The following AGBL1 variants were observed in gnomAD, a reference collection of about 807,000 sequenced individuals.
The protein encoded by AGBL1 is cytosolic carboxypeptidase 4.
A neutral mutation model predicts 118.9 loss-of-function variants in AGBL1; 130 were observed. That is an observed-to-expected ratio of 1.09 (90% CI 0.95 to 1.26). The LOEUF is 1.26. Ranked by LOEUF, AGBL1 falls within the 50% of genes most tolerant of loss-of-function variation. The pLI, the probability that AGBL1 is intolerant of heterozygous loss-of-function variation, is 0.00. For missense variants in AGBL1, 1,584 were observed against 1,298.1 expected, an observed-to-expected ratio of 1.22 and a Z score of -3.38; for synonymous variants, 555 against 478.9, an observed-to-expected ratio of 1.16 and a Z score of -2.08.
chr15:86,653,572 ACAAAT>A (rs1272277426), intron 21 of AGBL1, among the ~76,000 whole-genome samples: 3 of 152,158 alleles, frequency 2.0e-5, no homozygotes, highest in African/African-American at 7.2e-5. Flanking sequence ...TGAAGGCAAC[ACAAAT>A]CAAAGCTAAT....
At position 86,745,976 on chromosome 15, in the gene AGBL1, C is replaced by T. The variant is rs1365725908; in HGVS notation, c.3158+71540C>T. Among the ~76,000 whole-genome samples the T allele has an allele frequency of 2.6e-5, 4 of 152,060 alleles. No individual in the cohort carries two copies. The South Asian group carries it at 6.2e-4, about 24-fold the overall frequency. On this transcript the variant is annotated intron_variant, in intron 22 of 22. Transcript: ENST00000614907. The stretch of plus-strand genomic sequence containing the variant: ...TCTTTCAGGTAGAGAATACAGCTCC[C>T]ATTCTTTGATGTGCTAAGAAGCCAG...
rs187017556 is a variant in AGBL1, at chr15:87,003,670, A to G, written c.3323+15582A>G. ...CAATTTCAGTGCCTGTTATTGGTCT[A>G]TTCAGAGATTCAACTTCTTCCTGGT... On this transcript the variant is annotated intron_variant, in intron 24 of 24. Transcript: ENST00000441037. 3.3e-5 allele frequency among the ~76,000 whole-genome samples: 5 copies of G among 152,276 alleles called. 1 individual carries two copies. Among genetic ancestry groups the G allele is most frequent in the African/African-American group, 1.2e-4 (5 of 41,558 alleles).
intron 1 of AGBL1, among the ~76,000 whole-genome samples, chr15:86,116,885 C>T (rs1419350140): frequency 8.5e-5 from 13 of 152,086 alleles, no homozygotes; most frequent in Admixed American, 7.2e-4. Context: ...CTCAAGACAA[C>T]CCTAATACAG....
intron 7 of AGBL1, among the ~76,000 whole-genome samples, chr15:86,253,703 T>C (rs1434319963): frequency 6.6e-6 from 1 of 152,228 alleles, no homozygotes; most frequent in African/African-American, 2.4e-5. Flanking sequence ...ACAGTTTATG[T>C]GTTTCATTTT....
At chr15:86,655,669 G>T (rs1373138760) in intron 21 of AGBL1, among the ~76,000 whole-genome samples, 1 of 152,160 alleles carries the variant, frequency 6.6e-6, no homozygotes, top group East Asian at 1.9e-4. Context: ...TTGCCCTGGT[G>T]TGTTATTAGA....
chr15:86,714,526 ACAT>A (rs1213606075), intron 22 of AGBL1, among the ~76,000 whole-genome samples: 2 of 152,090 alleles, frequency 1.3e-5, no homozygotes, highest in African/African-American at 2.4e-5. Flanking sequence ...GTGGTATGAG[ACAT>A]CATGGAGTGG....
intron 22 of AGBL1, among the ~76,000 whole-genome samples, chr15:86,834,645 C>T (rs2079147810): frequency 1.3e-5 from 2 of 152,116 alleles, no homozygotes; most frequent in South Asian, 4.1e-4. Flanking sequence ...ATCCTTTTGA[C>T]CTTATGTGTC....
chr15:86,390,686 T>TTTTTTA (rs2081265060), intron 17 of AGBL1, among the ~76,000 whole-genome samples: 2 of 144,762 alleles, frequency 1.4e-5, no homozygotes, highest in South Asian at 2.2e-4. Flanking sequence ...TTTTTTTTTT[T>TTTTTTA]GAGACAGAGT....
chr15:86,621,472 C>A (rs141094496), intron 21 of AGBL1, among the ~76,000 whole-genome samples: 8 of 152,330 alleles, frequency 5.3e-5, no homozygotes, highest in Middle Eastern at 3.4e-3. Flanking sequence ...CAATCTGTGG[C>A]ATTCCTCGCC....
chr15:86,758,637 G>C (rs1354532043), intron 22 of AGBL1, among the ~76,000 whole-genome samples: 4 of 151,962 alleles, frequency 2.6e-5, no homozygotes, highest in Non-Finnish European at 5.9e-5. Flanking sequence ...CATCTGAATT[G>C]TTCTGATCCA....
intron 18 of AGBL1, among the ~76,000 whole-genome samples, chr15:86,516,624 A>G (rs2083124289): frequency 6.6e-6 from 1 of 151,946 alleles, no homozygotes; most frequent in Non-Finnish European, 1.5e-5. Context: ...ACATGGCGAA[A>G]CCCTGTCTCT....
At chr15:86,882,826 T>C (rs1323811016) in intron 22 of AGBL1, among the ~76,000 whole-genome samples, 1 of 152,208 alleles carries the variant, frequency 6.6e-6, no homozygotes, top group Non-Finnish European at 1.5e-5. Flanking sequence ...TTAAAAAAAC[T>C]AGACAGGAAC....
rs1567242729 is a variant in AGBL1 at position 86,410,819 on chromosome 15, T to TG, written c.2555+13273_2555+13274insG. On this transcript the variant is annotated intron_variant, in intron 18 of 22. Coordinates refer to ENST00000614907, the MANE Select transcript of AGBL1 (RefSeq NM_001386094.1). The stretch of plus-strand genomic sequence containing the variant: ...AAGGTCAAATGTAGATATATATATA[T>TG]ATATATATATATATATATATATAAT... Among the ~76,000 whole-genome samples, 121 of 91,054 alleles carry TG rather than the reference T, an allele frequency of 1.3e-3. 7 individuals carry two copies. Among genetic ancestry groups the TG allele is most frequent in the African/African-American group, 4.4e-3 (85 of 19,336 alleles). The allele number at this position is 91,054 out of a possible 152,430, so 59.7% of individuals were successfully genotyped here.
chr15:86,117,234 A>G (rs1045657532), intron 1 of AGBL1, among the ~76,000 whole-genome samples: 2 of 152,006 alleles, frequency 1.3e-5, no homozygotes, highest in Non-Finnish European at 2.9e-5. Context: ...GGGCTCTGGG[A>G]TGGCTGCTGG....
At chr15:86,519,392 G>A (rs1450698964) in intron 18 of AGBL1, among the ~76,000 whole-genome samples, 3 of 152,164 alleles carry the variant, frequency 2.0e-5, no homozygotes, top group Non-Finnish European at 4.4e-5. Flanking sequence ...AGAAGGAGCA[G>A]CTGTCATTTC....
chr15:86,630,048 T>C (rs1394029978), intron 21 of AGBL1, among the ~76,000 whole-genome samples: 3 of 152,236 alleles, frequency 2.0e-5, no homozygotes, highest in Non-Finnish European at 4.4e-5. Context: ...GCATCTTTAA[T>C]TCTGCAATGT....
intron 15 of AGBL1, among the ~76,000 whole-genome samples, chr15:86,276,841 T>A (rs1467427582): frequency 6.6e-6 from 1 of 152,208 alleles, no homozygotes; most frequent in Non-Finnish European, 1.5e-5. Flanking sequence ...CGAAAAGAAC[T>A]TGTTGATGGG....
chr15:87,007,438 T>C (rs2081516319), intron 24 of AGBL1, among the ~76,000 whole-genome samples: 1 of 152,196 alleles, frequency 6.6e-6, no homozygotes, highest in Non-Finnish European at 1.5e-5. Context: ...CTCTGGACTT[T>C]GGTAGGAACT....
intron 1 of AGBL1, among the ~76,000 whole-genome samples, chr15:86,103,106 A>G (rs1043142614): frequency 1.7e-4 from 26 of 151,882 alleles, no homozygotes; most frequent in African/African-American, 5.6e-4. Flanking sequence ...AGTATTTTTT[A>G]TTCATTTAAT....
Sources: allele counts gnomAD v4.1 joint callset (sites outside exome capture counted in the v4.1 genomes callset), GRCh38; gene constraint gnomAD v4.1.1; transcripts MANE v1.5; gene names NCBI Gene and HGNC (gene_info 2026-07-23, HGNC 2026-07-21).